Variants in DOK5 observed in about 807,000 individuals in gnomAD.
The protein encoded by DOK5 is downstream of tyrosine kinase 5.
DOK5 carries 27 observed loss-of-function variants against 43.3 expected under a neutral mutation model. The observed-to-expected ratio is 0.62, with a 90% confidence interval of 0.46 to 0.86. The LOEUF is 0.86. Ranked by LOEUF, DOK5 falls within the 40% of genes least tolerant of loss-of-function variation. DOK5 has a pLI of 0.00. For synonymous variants in DOK5, 146 were observed against 140.1 expected, an observed-to-expected ratio of 1.04 and a Z score of -0.30; for missense variants, 373 against 392.9, an observed-to-expected ratio of 0.95 and a Z score of 0.43.
chr20:54,496,760 C>T (rs547420599), intron 1 of DOK5, among the ~76,000 whole-genome samples: 7 of 119,302 alleles, frequency 5.9e-5, no homozygotes, highest in Admixed American at 9.3e-5. Flanking sequence ...AGCAAGACTC[C>T]GTCTCAAAAA....
At chr20:54,557,957 C>T (rs1174024350) in intron 2 of DOK5, among the ~76,000 whole-genome samples, 1 of 152,188 alleles carries the variant, frequency 6.6e-6, no homozygotes, top group Non-Finnish European at 1.5e-5. Flanking sequence ...GGATGGGAGA[C>T]ATGATTCACT....
chr20:54,481,088 A>AT (rs1393967540), intron 1 of DOK5, among the ~76,000 whole-genome samples: 24 of 121,032 alleles, frequency 2.0e-4, no homozygotes, highest in African/African-American at 8.2e-4. Context: ...TCTATCATCT[A>AT]CCATCTATCT....
At chr20:54,572,308 T>A (rs1165728274) in intron 2 of DOK5, among the ~76,000 whole-genome samples, 1 of 152,014 alleles carries the variant, frequency 6.6e-6, no homozygotes, top group African/African-American at 2.4e-5. Context: ...CTACAGGTAC[T>A]CGCCACCACG....
chr20:54,477,179 T>G (rs1224833157), intron 1 of DOK5, among the ~76,000 whole-genome samples: 2 of 152,212 alleles, frequency 1.3e-5, no homozygotes, highest in Admixed American at 1.3e-4. Flanking sequence ...ATATGTGTCA[T>G]TTGGCATCTT....
intron 1 of DOK5, among the ~76,000 whole-genome samples, chr20:54,513,462 CAAAAAAAAAAA>C (rs1011871917): frequency 8.1e-5 from 2 of 24,624 alleles, no homozygotes; most frequent in Non-Finnish European, 2.0e-4. Context: ...ATACTCTGAG[CAAAAAAAAAAA>C]AAAAAAAAAA....
chr20:54,635,462 T>C (rs1249273853), intron 6 of DOK5, among the ~76,000 whole-genome samples: 1 of 152,192 alleles, frequency 6.6e-6, no homozygotes, highest in Non-Finnish European at 1.5e-5. Context: ...AACCTTGGTC[T>C]CCACAACCCC....
At chr20:54,606,745 A>G (rs1986481780) in intron 5 of DOK5, among the ~76,000 whole-genome samples, 1 of 152,184 alleles carries the variant, frequency 6.6e-6, no homozygotes, top group African/African-American at 2.4e-5. Flanking sequence ...ACTTGTGGGT[A>G]GAGTATAGAA....
intron 2 of DOK5, among the ~76,000 whole-genome samples, chr20:54,581,989 A>AT (rs1328963462): frequency 6.6e-6 from 1 of 151,864 alleles, no homozygotes; most frequent in Non-Finnish European, 1.5e-5. Flanking sequence ...GGAAAAAAAA[A>AT]TGTTTTCATT....
chr20:54,559,276 G>A (rs1319546034), intron 2 of DOK5, among the ~76,000 whole-genome samples: 2 of 152,180 alleles, frequency 1.3e-5, no homozygotes, highest in Non-Finnish European at 2.9e-5. Flanking sequence ...AAGGCAAATG[G>A]TATGGTGAGA....
chr20:54,539,334 G>C (rs548377286), intron 1 of DOK5, among the ~76,000 whole-genome samples: 1 of 148,912 alleles, frequency 6.7e-6, no homozygotes, highest in South Asian at 2.1e-4. Flanking sequence ...AGTGGTTCCA[G>C]GGCTTAAGGC....
chr20:54,618,274 C>T (rs1568813882), intron 6 of DOK5, among the ~76,000 whole-genome samples: 2 of 152,142 alleles, frequency 1.3e-5, no homozygotes, highest in Non-Finnish European at 2.9e-5. Flanking sequence ...GGCCATGATG[C>T]CTCACTCCTT....
chr20:54,619,429 C>T (rs551063456), intron 6 of DOK5, among the ~76,000 whole-genome samples: 1 of 152,066 alleles, frequency 6.6e-6, no homozygotes, highest in Admixed American at 6.5e-5. Context: ...TGGAACAAGG[C>T]GTGGCAGTGT....
intron 6 of DOK5, among the ~76,000 whole-genome samples, chr20:54,626,127 T>C (rs1283998326): frequency 6.6e-6 from 1 of 152,234 alleles, no homozygotes; most frequent in Non-Finnish European, 1.5e-5. Context: ...TGAAAGTTTT[T>C]ATTCATTTTA....
chr20:54,622,704 C>T (rs1987019822), intron 6 of DOK5, among the ~76,000 whole-genome samples: 1 of 152,144 alleles, frequency 6.6e-6, no homozygotes, highest in Non-Finnish European at 1.5e-5. Flanking sequence ...GCCTGTCATG[C>T]CACGACCCTT....
chr20:54,486,516 C>T (rs1981939861), intron 1 of DOK5, among the ~76,000 whole-genome samples: 2 of 151,942 alleles, frequency 1.3e-5, no homozygotes, highest in South Asian at 4.1e-4. Flanking sequence ...AAAATAATGT[C>T]TATAACTACT....
intron 1 of DOK5, among the ~76,000 whole-genome samples, chr20:54,522,374 C>T (rs936334811): frequency 2.2e-4 from 34 of 152,034 alleles, no homozygotes; most frequent in African/African-American, 7.5e-4. Context: ...GAATTACTTA[C>T]GTGAATTAAA....
At chr20:54,492,474 T>C (rs1311119613) in intron 1 of DOK5, among the ~76,000 whole-genome samples, 1 of 152,192 alleles carries the variant, frequency 6.6e-6, no homozygotes, top group Non-Finnish European at 1.5e-5. Flanking sequence ...TTTTAGGTAG[T>C]TTCCAGGTTT....
intron 5 of DOK5, among the ~76,000 whole-genome samples, chr20:54,593,001 A>G (rs1460305693): frequency 6.6e-6 from 1 of 152,232 alleles, no homozygotes; most frequent in African/African-American, 2.4e-5. Flanking sequence ...GACTCTTGAT[A>G]TAAGGAAAGT....
chr20:54,572,224 G>T (rs141443398), intron 2 of DOK5, among the ~76,000 whole-genome samples: 1 of 151,240 alleles, frequency 6.6e-6, no homozygotes, highest in African/African-American at 2.4e-5. Context: ...GCAGTGGCGC[G>T]ATCTTGGCTC....
Sources: gnomAD v4.1 joint callset for allele counts (sites outside exome capture counted in the v4.1 genomes callset) on GRCh38, gnomAD v4.1.1 for gene constraint, MANE v1.5 for transcripts, NCBI Gene and HGNC (gene_info 2026-07-23, HGNC 2026-07-21) for gene names.